CREBRF: variants seen among roughly 807,000 people sequenced by gnomAD.
The protein encoded by CREBRF is CREB3 regulatory factor.
A neutral mutation model predicts 66.1 loss-of-function variants in CREBRF; 5 were observed. The ratio of observed to expected loss-of-function variants is 0.08; its 90% CI spans 0.04 to 0.16. The LOEUF (loss-of-function observed/expected upper bound fraction) is 0.16, where lower values mean the gene tolerates loss of function less well. Ranked by LOEUF, CREBRF falls within the 10% of genes least tolerant of loss-of-function variation. CREBRF has a pLI of 1.00. For missense variants in CREBRF, 531 were observed against 744.9 expected, an observed-to-expected ratio of 0.71 and a Z score of 3.34; for synonymous variants, 229 against 264.4, an observed-to-expected ratio of 0.87 and a Z score of 1.30.
chr5:173,137,540 A>T lies in CREBRF; in HGVS notation c.*3795A>T, dbSNP rs1302779596. ...TAAAGAAAGGTGTGTTCAATTCATC[A>T]GCTTGAAATTGACTATTTCATTTTT... On this transcript the variant is annotated 3_prime_UTR_variant, in exon 9 of 9. Coordinates refer to ENST00000296953, the MANE Select transcript of CREBRF (RefSeq NM_153607.3). The T allele has an allele frequency of 6.6e-6, 1 of 152,112 alleles. No individual in the cohort carries two copies. Among genetic ancestry groups the T allele is most frequent in the Non-Finnish European group, 1.5e-5 (1 of 67,966 alleles). The allele number at this position is 152,112 out of a possible 1,614,324, so 9.4% of individuals were successfully genotyped here.
chr5:173,057,570 A>G (rs991083918), intron 1 of CREBRF: 45 of 152,290 alleles, frequency 3.0e-4, no homozygotes, highest in African/African-American at 3.9e-4. Context: ...TCTCGGCCCT[A>G]TGCTTCCTGA....
chr5:173,090,649 C>A lies in CREBRF; in HGVS notation c.470C>A (p.Pro157His). 6.2e-7 allele frequency: 1 copy of A among 1,614,100 alleles called. No individual in the cohort carries two copies. Among genetic ancestry groups the A allele is most frequent in the Non-Finnish European group, 8.5e-7 (1 of 1,180,006 alleles). ...SQSVSDSLYY[P>H]DSLFSVKQNP... ...TCTGTTTCTGATTCCCTTTATTACCCCGATTCACTTTTCAGTGTCAAACAA... is the reference window on the plus strand; with the variant it reads ...TCTGTTTCTGATTCCCTTTATTACCACGATTCACTTTTCAGTGTCAAACAA... Residue 157 changes from proline (P) to histidine (H), a missense_variant, in exon 4 of 9, where the codon CCC becomes CAC. Pro to His is a moderately conservative substitution (Grantham distance 77). Around this residue, in one of 5 missense-constraint regions of CREBRF, gnomAD observed 133 missense variants for 215.6 expected, o/e 0.62. Coordinates refer to ENST00000296953, the MANE Select transcript of CREBRF (RefSeq NM_153607.3). This position sits in a 1 kb window ranked among gnomAD's most constrained non-coding sequence, Gnocchi z 4.5.
At chr5:173,081,934 C>T (rs950126322) in intron 2 of CREBRF, among the ~76,000 whole-genome samples, 2 of 151,262 alleles carry the variant, frequency 1.3e-5, no homozygotes, top group Non-Finnish European at 2.9e-5. Context: ...AGCTGCCTAC[C>T]GCCACCCCAA....
intron 8 of CREBRF, chr5:173,123,919 C>T (rs1759201478): frequency 6.6e-6 from 1 of 152,144 alleles, no homozygotes; most frequent in Non-Finnish European, 1.5e-5. Context: ...CTCCTGCTTC[C>T]ATATGGATTA....
At chr5:173,083,831 AT>A (rs1758043531) in intron 2 of CREBRF, among the ~76,000 whole-genome samples, 1 of 152,230 alleles carries the variant, frequency 6.6e-6, no homozygotes, top group Non-Finnish European at 1.5e-5. Flanking sequence ...GAAGATATTA[AT>A]TGCTGCTCTA....
chr5:173,056,528 G>C lies in CREBRF; in HGVS notation c.-192+49G>C, dbSNP rs889775575. ...GGAACCCCCAGGGGCCTGGGCTGGG[G>C]GAAGAGCGGAACGGGGGGCGGAGGG... On this transcript the variant is annotated intron_variant, in intron 1 of 8. Coordinates refer to ENST00000296953, the MANE Select transcript of CREBRF (RefSeq NM_153607.3). The C allele has an allele frequency of 1.4e-4, 57 of 398,104 alleles. No individual in the cohort carries two copies. The East Asian group carries it at 2.0e-3, about 14-fold the overall frequency. 24.7% of individuals were successfully genotyped at this position (398,104 alleles called of 1,614,324 possible).
chr5:173,088,956 A>G (rs997517367), intron 3 of CREBRF, among the ~76,000 whole-genome samples: 2 of 152,060 alleles, frequency 1.3e-5, no homozygotes, highest in African/African-American at 4.8e-5. Context: ...AGGCAGGTGG[A>G]TCACAAGGTC....
chr5:173,123,177 T>C lies in CREBRF; in HGVS notation c.1779T>C (p.Leu593=). The C allele has an allele frequency of 6.2e-7, 1 of 1,601,330 alleles. No individual in the cohort carries two copies. Among genetic ancestry groups the C allele is most frequent in the Non-Finnish European group, 8.5e-7 (1 of 1,176,936 alleles). ...DERGPNMGQK[L]EILIKDTLGL... ...GAGGACCCAACATGGGGCAGAAGCT[T>C]GAAATCCTCATTAAAGATACTCTCG... is the stretch of plus-strand genomic sequence containing the variant. Residue 593 remains leucine (L), a synonymous_variant, in exon 8 of 9, where the codon CTT becomes CTC. Transcript: ENST00000296953.
chr5:173,070,936 A>G (rs1355393093), intron 1 of CREBRF, among the ~76,000 whole-genome samples: 1 of 152,132 alleles, frequency 6.6e-6, no homozygotes, highest in Non-Finnish European at 1.5e-5. Context: ...ACTGCTCGGA[A>G]GGGCATTGCA....
intron 4 of CREBRF, among the ~76,000 whole-genome samples, chr5:173,103,574 A>G (rs1434211000): frequency 2.6e-5 from 4 of 152,196 alleles, no homozygotes; most frequent in East Asian, 3.8e-4. Flanking sequence ...TGTGATGACT[A>G]GCTCCCTTGA....
chr5:173,082,051 T>C (rs1757971611), intron 2 of CREBRF, among the ~76,000 whole-genome samples: 2 of 129,520 alleles, frequency 1.5e-5, no homozygotes, highest in African/African-American at 2.8e-5. Context: ...TCTCACTCTG[T>C]TGCCCAGGCT....
intron 1 of CREBRF, among the ~76,000 whole-genome samples, chr5:173,080,297 C>T (rs1581669721): frequency 6.7e-6 from 1 of 148,802 alleles, no homozygotes; most frequent in Non-Finnish European, 1.5e-5. Flanking sequence ...TTACATCTTT[C>T]AGATCACAGA....
At chr5:173,087,198 C>T (rs149766560) in intron 3 of CREBRF, among the ~76,000 whole-genome samples, 5,986 of 152,110 alleles carry the variant, frequency 0.039, 245 homozygotes, top group African/African-American at 0.1. Context: ...CCACCTGCCT[C>T]GGCCTCCCAA....
At chr5:173,101,551 GT>G (rs760914746) in intron 4 of CREBRF, among the ~76,000 whole-genome samples, 1,658 of 142,814 alleles carry the variant, frequency 0.012, 23 homozygotes, top group African/African-American at 0.033. Flanking sequence ...TCTTAGTGAA[GT>G]TTTTTTTTTT....
chr5:173,089,454 T>C (rs1581679392), intron 3 of CREBRF, among the ~76,000 whole-genome samples: 1 of 151,828 alleles, frequency 6.6e-6, no homozygotes, highest in Non-Finnish European at 1.5e-5. Context: ...AATAAAAATA[T>C]ATGGTGGGCA....
At chr5:173,096,063 G>A (rs917729196) in intron 4 of CREBRF, among the ~76,000 whole-genome samples, 6 of 152,050 alleles carry the variant, frequency 3.9e-5, no homozygotes, top group Middle Eastern at 3.4e-3. Flanking sequence ...TCCGCCTCCC[G>A]GGTTATGCCA....
chr5:173,078,037 A>G (rs950875740), intron 1 of CREBRF, among the ~76,000 whole-genome samples: 3 of 152,172 alleles, frequency 2.0e-5, no homozygotes, highest in Non-Finnish European at 2.9e-5. Flanking sequence ...AAGTGTAGAC[A>G]TATCTGTTTG....
intron 7 of CREBRF, among the ~76,000 whole-genome samples, chr5:173,121,749 G>A (rs531265962): frequency 6.6e-6 from 1 of 152,148 alleles, no homozygotes; most frequent in Non-Finnish European, 1.5e-5. Flanking sequence ...CCTGTGATTC[G>A]ATATAGCAGG....
At chr5:173,065,259 A>G (rs1757400451) in intron 1 of CREBRF, among the ~76,000 whole-genome samples, 2 of 152,172 alleles carry the variant, frequency 1.3e-5, no homozygotes, top group South Asian at 4.1e-4. Flanking sequence ...AGTACAGCTG[A>G]AGTATAAAAG....
Sources: allele counts gnomAD v4.1 joint callset (sites outside exome capture counted in the v4.1 genomes callset), GRCh38; gene constraint gnomAD v4.1.1; regional missense constraint gnomAD v4.1.1; non-coding constraint Gnocchi (gnomAD v3.1); transcripts MANE v1.5; gene names NCBI Gene and HGNC (gene_info 2026-07-23, HGNC 2026-07-21).